SH3RF3: variants seen among roughly 807,000 people sequenced by gnomAD.
SH3RF3 encodes SH3 domain containing ring finger 3.
A neutral mutation model predicts 66.3 loss-of-function variants in SH3RF3; 29 were observed. That is an observed-to-expected ratio of 0.44 (90% CI 0.33 to 0.60). The LOEUF (loss-of-function observed/expected upper bound fraction) is 0.60. Ranked by LOEUF, SH3RF3 falls within the 20% of genes least tolerant of loss-of-function variation. The pLI is 0.04. For missense variants in SH3RF3, 1,194 were observed against 1,190.9 expected (o/e 1.00, Z -0.04); for synonymous variants, 583 against 532.0 (o/e 1.10, Z -1.32).
chr2:109,186,266 C>T (rs1267309064), intron 1 of SH3RF3, among the ~76,000 whole-genome samples: 1 of 152,220 alleles, frequency 6.6e-6, no homozygotes, highest in South Asian at 2.1e-4. Context: ...TTGCATTTGC[C>T]CAGATGAATT....
chr2:109,162,047 A>G (rs1677502672), intron 1 of SH3RF3, among the ~76,000 whole-genome samples: 1 of 152,114 alleles, frequency 6.6e-6, no homozygotes, highest in Admixed American at 6.6e-5. Context: ...TGTCCTCAGG[A>G]TCTAGAGGGA....
intron 4 of SH3RF3, among the ~76,000 whole-genome samples, chr2:109,404,665 C>T (rs1229869413): frequency 6.6e-6 from 1 of 152,160 alleles, no homozygotes; most frequent in Non-Finnish European, 1.5e-5. Flanking sequence ...GCTGACCCCT[C>T]TCCCACCGGG....
rs201688919 is a variant in SH3RF3 at position 109,449,455 on chromosome 2, C to G, written c.2114C>G (p.Thr705Arg). 2 of 1,613,894 alleles carry G rather than the reference C, an allele frequency of 1.2e-6. No homozygotes were observed. Among genetic ancestry groups the G allele is most frequent in the East Asian group, 4.5e-5 (2 of 44,896 alleles). The change falls in exon 8 of 10, where the codon ACG (threonine) becomes AGG (arginine). Residue 705 changes from threonine to arginine, a missense_variant. Coordinates refer to ENST00000309415, the MANE Select transcript of SH3RF3 (RefSeq NM_001099289.3). ...GVLSTSSPTN[T>R]GCKLDEKKSE... The stretch of plus-strand genomic sequence containing the variant: ...CTGTCCACATCCAGCCCCACCAACA[C>G]GGGATGCAAACTAGACGAGAAGAAA...
At chr2:109,389,990 C>A (rs1222075262) in intron 3 of SH3RF3, among the ~76,000 whole-genome samples, 1 of 152,174 alleles carries the variant, frequency 6.6e-6, no homozygotes, top group African/African-American at 2.4e-5. Flanking sequence ...TCTGCGATTT[C>A]TAAGGCAGAA....
chr2:109,235,606 G>A (rs1679628158), intron 1 of SH3RF3, among the ~76,000 whole-genome samples: 1 of 152,216 alleles, frequency 6.6e-6, no homozygotes, highest in South Asian at 2.1e-4. Flanking sequence ...CATGGGCCTC[G>A]AAGGCTGTTG....
At chr2:109,172,738 G>T (rs1373384767) in intron 1 of SH3RF3, among the ~76,000 whole-genome samples, 1 of 152,238 alleles carries the variant, frequency 6.6e-6, no homozygotes, top group Non-Finnish European at 1.5e-5. Context: ...CTCTGGCAGG[G>T]ATGCTGGACT....
chr2:109,290,641 G>A (rs915885800), intron 1 of SH3RF3, among the ~76,000 whole-genome samples: 4 of 152,110 alleles, frequency 2.6e-5, no homozygotes, highest in South Asian at 4.1e-4. Context: ...CAACTCAGAC[G>A]CCCTCCCTCC....
intron 5 of SH3RF3, among the ~76,000 whole-genome samples, chr2:109,424,269 G>A (rs1036135781): frequency 6.6e-6 from 1 of 152,060 alleles, no homozygotes; most frequent in Non-Finnish European, 1.5e-5. Flanking sequence ...CCTTTGAAGG[G>A]GCAGTCATGG....
At chr2:109,279,994 T>G (rs948570653) in intron 1 of SH3RF3, among the ~76,000 whole-genome samples, 1 of 152,120 alleles carries the variant, frequency 6.6e-6, no homozygotes, top group Non-Finnish European at 1.5e-5. Flanking sequence ...CGGTTTCTCT[T>G]AGGCTGTGCT....
intron 1 of SH3RF3, among the ~76,000 whole-genome samples, chr2:109,256,389 C>T (rs1169616707): frequency 2.0e-5 from 3 of 152,178 alleles, no homozygotes; most frequent in Non-Finnish European, 2.9e-5. Context: ...ATATGAGCGG[C>T]AATGCGATGT....
At chr2:109,213,335 C>T (rs906113656) in intron 1 of SH3RF3, among the ~76,000 whole-genome samples, 4 of 152,150 alleles carry the variant, frequency 2.6e-5, no homozygotes, top group South Asian at 4.1e-4. Context: ...AAACGCAGCC[C>T]GGGCATCTTG....
At chr2:109,207,240 A>G (rs916702362) in intron 1 of SH3RF3, among the ~76,000 whole-genome samples, 5 of 152,166 alleles carry the variant, frequency 3.3e-5, no homozygotes, top group South Asian at 2.1e-4. Context: ...ATGAGTTACA[A>G]TTATTATTTC....
At chr2:109,293,843 G>C (rs527953920) in intron 1 of SH3RF3, among the ~76,000 whole-genome samples, 1 of 152,328 alleles carries the variant, frequency 6.6e-6, no homozygotes, top group Non-Finnish European at 1.5e-5. Context: ...CCGCAGCCCA[G>C]GTGTCTTGCT....
At chr2:109,240,268 G>A (rs1389300920) in intron 1 of SH3RF3, among the ~76,000 whole-genome samples, 1 of 152,176 alleles carries the variant, frequency 6.6e-6, no homozygotes, top group Non-Finnish European at 1.5e-5. Flanking sequence ...GGGAGGCCCA[G>A]GAGGGCAGAT....
At chr2:109,358,111 C>T (rs865913197) in intron 2 of SH3RF3, among the ~76,000 whole-genome samples, 1 of 152,330 alleles carries the variant, frequency 6.6e-6, no homozygotes, top group African/African-American at 2.4e-5. Context: ...ATAGTTTTTC[C>T]TTTCCCAGAA....
intron 1 of SH3RF3, among the ~76,000 whole-genome samples, chr2:109,216,589 G>A (rs11686054): frequency 0.011 from 1,712 of 152,286 alleles, 22 homozygotes; most frequent in Non-Finnish European, 0.017. Flanking sequence ...GGGGCAGAGC[G>A]TTTCCTGAAG....
chr2:109,316,617 C>G (rs1255693834), intron 1 of SH3RF3, among the ~76,000 whole-genome samples: 3 of 152,194 alleles, frequency 2.0e-5, no homozygotes, highest in South Asian at 2.1e-4. Flanking sequence ...TCCCATAGAC[C>G]TCCTGCCCCG....
At chr2:109,394,577 AT>A (rs1676089792) in intron 3 of SH3RF3, among the ~76,000 whole-genome samples, 1 of 152,236 alleles carries the variant, frequency 6.6e-6, no homozygotes, top group South Asian at 2.1e-4. Flanking sequence ...TTTTGTTTCC[AT>A]TTTGTATGGA....
intron 1 of SH3RF3, among the ~76,000 whole-genome samples, chr2:109,299,396 T>C (rs1681401724): frequency 6.7e-6 from 1 of 149,788 alleles, no homozygotes; most frequent in Admixed American, 6.7e-5. Flanking sequence ...CACATCAGGG[T>C]CCTTGACACA....
Sources: gnomAD v4.1 joint callset for allele counts (sites outside exome capture counted in the v4.1 genomes callset) on GRCh38, gnomAD v4.1.1 for gene constraint, MANE v1.5 for transcripts, NCBI Gene and HGNC (gene_info 2026-07-23, HGNC 2026-07-21) for gene names.